Variants in CDKL5 observed in about 807,000 individuals in gnomAD.
CDKL5 encodes cyclin dependent kinase like 5, also known as cyclin-dependent kinase-like 5.
A neutral mutation model predicts 61.7 loss-of-function variants in CDKL5; 8 were observed. The observed-to-expected ratio is 0.13, with a 90% CI of 0.08 to 0.23. The LOEUF (loss-of-function observed/expected upper bound fraction) is 0.23. CDKL5 is among the 10% of genes least tolerant of loss of function. The pLI, the probability that CDKL5 is intolerant of heterozygous loss-of-function variation, is 1.00. For synonymous variants in CDKL5, 275 were observed against 272.3 expected, an observed-to-expected ratio of 1.01 and a Z score of -0.10; for missense variants, 440 against 734.5, an observed-to-expected ratio of 0.60 and a Z score of 4.63.
At chrX:18,459,249 C>T (rs1053775114) in intron 1 of CDKL5, among the ~76,000 whole-genome samples, 1 of 111,430 alleles carries the variant, frequency 9.0e-6, no homozygotes, top group African/African-American at 3.3e-5. Flanking sequence ...GTTTTGTTGT[C>T]GTGCTGCTAT....
intron 7 of CDKL5, among the ~76,000 whole-genome samples, chrX:18,583,454 T>G (rs145434199): frequency 8.9e-6 from 1 of 112,288 alleles, no homozygotes; most frequent in Non-Finnish European, 1.9e-5. Context: ...GGTTTTGTTT[T>G]ACGCTGGGAT....
intron 3 of CDKL5, among the ~76,000 whole-genome samples, chrX:18,537,475 A>G (rs1923883640): frequency 8.9e-6 from 1 of 112,233 alleles, no homozygotes; most frequent in Non-Finnish European, 1.9e-5. Flanking sequence ...GAAAATGGAC[A>G]TTGATGTATT....
At chrX:18,600,399 G>T (rs766020260) in intron 11 of CDKL5, among the ~76,000 whole-genome samples, 16 of 111,762 alleles carry the variant, frequency 1.4e-4, no homozygotes, top group African/African-American at 4.2e-4. Flanking sequence ...CATTTAGGGG[G>T]TGCAAATTAG....
At chrX:18,469,087 G>A (rs1400638443) in intron 1 of CDKL5, among the ~76,000 whole-genome samples, 1 of 108,744 alleles carries the variant, frequency 9.2e-6, no homozygotes, top group Non-Finnish European at 1.9e-5. Context: ...GCCTATAATT[G>A]CAGCACTTTG....
At position 18,629,424 on chromosome X, in the gene CDKL5, A is replaced by G; in HGVS notation, c.*667A>G. ...ATAAAAACTAAACAGTAACATTTAT[A>G]TATTGCATCAGGAGTATTTTATTCT... On this transcript the variant is annotated 3_prime_UTR_variant, in exon 18 of 18. Coordinates refer to ENST00000623535, the MANE Select transcript of CDKL5 (RefSeq NM_001323289.2). 3.2e-6 allele frequency: 2 copies of G among 629,360 alleles called. No individual in the cohort carries two copies. The highest frequency in any genetic ancestry group is 3.8e-6 in the Non-Finnish European group (2 of 525,943). 51.9% of individuals were successfully genotyped at this position (629,360 alleles called of 1,213,427 possible). A position where few individuals can be genotyped will look rare whatever the true frequency, so the allele number is the denominator to read the frequency against.
At chrX:18,509,455 CTG>C (rs1351593933) in intron 2 of CDKL5, among the ~76,000 whole-genome samples, 1 of 111,045 alleles carries the variant, frequency 9.0e-6, no homozygotes, top group African/African-American at 3.3e-5. Flanking sequence ...GTCCCATAGA[CTG>C]TGTTGGAGAC....
rs749986393 is a variant in CDKL5, at chrX:18,603,936, C to T, written c.1012C>T (p.His338Tyr). 7 of 1,210,320 alleles carry T rather than the reference C, an allele frequency of 5.8e-6. No homozygotes were observed. Among genetic ancestry groups the T allele is most frequent in the Non-Finnish European group, 7.8e-6 (7 of 894,223 alleles). Reference sequence around the variant, plus strand: ...CGGCAAAAGTACTGCTTTGCAGTCTCACCACAGATCTAACAGCAAGGACAT... The same window carrying T: ...CGGCAAAAGTACTGCTTTGCAGTCTTACCACAGATCTAACAGCAAGGACAT... ...QAGKSTALQS[H>Y]HRSNSKDIQN... is the part of the protein sequence containing the mutation. Residue 338 changes from histidine (H) to tyrosine (Y), a missense_variant, in exon 12 of 18, where the codon CAC (histidine) becomes TAC (tyrosine). Physicochemically the swap from His to Tyr is moderately conservative, Grantham distance 83. Transcript: ENST00000623535.
chrX:18,573,506 C>G (rs1317003260), intron 4 of CDKL5, among the ~76,000 whole-genome samples: 3 of 112,200 alleles, frequency 2.7e-5, no homozygotes, highest in Non-Finnish European at 5.6e-5. Context: ...GGACCTTTGT[C>G]CCCTCCCAAT....
At chrX:18,618,121 C>T (rs1016331388) in intron 15 of CDKL5, among the ~76,000 whole-genome samples, 1 of 112,208 alleles carries the variant, frequency 8.9e-6, no homozygotes, top group Non-Finnish European at 1.9e-5. Context: ...CAGTAATGCC[C>T]ATTCACATTC....
chrX:18,483,853 A>T (rs2147075332), intron 1 of CDKL5, among the ~76,000 whole-genome samples: 1 of 112,310 alleles, frequency 8.9e-6, no homozygotes, highest in South Asian at 3.7e-4. Context: ...CAGATAACAA[A>T]CAATATTTAA....
At position 18,425,834 on chromosome X, in the gene CDKL5, C is replaced by CTT. The variant is rs1401710048; in HGVS notation, c.-163+139_-163+140insTT. 354 of 113,029 alleles carry CTT rather than the reference C, an allele frequency of 3.1e-3. 1 individual carries two copies. The highest frequency in any genetic ancestry group is 3.9e-3 in the Non-Finnish European group (209 of 53,260). 9.3% of individuals were successfully genotyped at this position (113,029 alleles called of 1,213,427 possible). ...GAGAAGGGGCGGGGGCGCCGGTTCC[C>CTT]CCGGAACGGGGCGACGCGGTGAGGA... On this transcript the variant is annotated intron_variant, in intron 1 of 17. Transcript: ENST00000623535.
chrX:18,558,949 G>A (rs1194920534), intron 3 of CDKL5, among the ~76,000 whole-genome samples: 1 of 112,597 alleles, frequency 8.9e-6, no homozygotes, highest in African/African-American at 3.2e-5. Flanking sequence ...GGAACAGGCT[G>A]TGCTTGGAAA....
chrX:18,430,416 G>A (rs1173066928), intron 1 of CDKL5, among the ~76,000 whole-genome samples: 1 of 111,764 alleles, frequency 8.9e-6, no homozygotes, highest in Non-Finnish European at 1.9e-5. Context: ...ATAAAATCTG[G>A]AGGTAAAGTC....
Position 18,628,368 on chromosome X carries a change from C to T in CDKL5, c.2497-3C>T, listed in dbSNP as rs943406212. ...CTGTGTGCATTCTCATCCTTTCTTT[C>T]AGAGCCAGCCATTAAAATCACTGCG... On this transcript the variant is annotated splice_polypyrimidine_tract_variant and splice_region_variant and intron_variant, in intron 17 of 17. Coordinates refer to ENST00000623535, the MANE Select transcript of CDKL5 (RefSeq NM_001323289.2). 2 of 1,208,831 alleles carry T rather than the reference C, an allele frequency of 1.7e-6. No homozygotes were observed. Among genetic ancestry groups the T allele is most frequent in the Non-Finnish European group, 2.2e-6 (2 of 893,963 alleles).
intron 3 of CDKL5, among the ~76,000 whole-genome samples, chrX:18,521,128 G>A (rs1441484527): frequency 1.8e-5 from 2 of 112,203 alleles, no homozygotes; most frequent in East Asian, 2.8e-4. Context: ...CCAATGATGA[G>A]TGATTTTGAG....
intron 3 of CDKL5, among the ~76,000 whole-genome samples, chrX:18,513,729 T>G (rs990204933): frequency 8.9e-6 from 1 of 111,937 alleles, no homozygotes; most frequent in Non-Finnish European, 1.9e-5. Context: ...AGGCTTGTTA[T>G]AGATAGTATA....
intron 20 of CDKL5, among the ~76,000 whole-genome samples, chrX:18,648,063 A>G (rs911903698): frequency 6.3e-5 from 7 of 110,827 alleles, no homozygotes; most frequent in Non-Finnish European, 1.3e-4. Context: ...GAGGCTGGGC[A>G]CGGTGACTCA....
At chrX:18,473,206 G>A (rs999271067) in intron 1 of CDKL5, among the ~76,000 whole-genome samples, 1 of 110,199 alleles carries the variant, frequency 9.1e-6, no homozygotes, top group Non-Finnish European at 1.9e-5. Flanking sequence ...TGATCCATCC[G>A]CCTCGGCCTC....
At chrX:18,537,164 TCCTTCTCATAAA>T in intron 3 of CDKL5, among the ~76,000 whole-genome samples, 1 of 111,267 alleles carries the variant, frequency 9.0e-6, no homozygotes, top group East Asian at 2.8e-4. Flanking sequence ...TGGCTAAATT[TCCTTCTCATAAA>T]CCCTTTTATG....
Sources: gnomAD v4.1 joint callset for allele counts (sites outside exome capture counted in the v4.1 genomes callset) on GRCh38, gnomAD v4.1.1 for gene constraint, MANE v1.5 for transcripts, NCBI Gene and HGNC (gene_info 2026-07-23, HGNC 2026-07-21) for gene names.